The following FBLN5 variants were observed in gnomAD, a reference collection of about 807,000 sequenced individuals.
FBLN5 encodes the protein fibulin-5.
FBLN5 carries 24 observed loss-of-function variants against 61.6 expected under a neutral mutation model. The ratio of observed to expected loss-of-function variants is 0.39; its 90% confidence interval spans 0.28 to 0.55. The LOEUF is 0.55. Among genes scored for constraint, FBLN5 ranks in the 20% least tolerant of loss-of-function variants. The pLI is 0.65. For missense variants in FBLN5, 470 were observed against 594.1 expected (o/e 0.79, Z 2.17); for synonymous variants, 213 against 219.8 (o/e 0.97, Z 0.27).
At chr14:91,940,462 C>T in intron 3 of FBLN5, 103 bp downstream of exon 3, 3 of 968,766 alleles carry the variant, frequency 3.1e-6, no homozygotes, top group Admixed American at 1.8e-5. Flanking sequence ...ACTGTATTCT[C>T]CCATGGGCAT....
chr14:91,927,390 G>A (rs2140033289), intron 4 of FBLN5, among the ~76,000 whole-genome samples: 1 of 152,328 alleles, frequency 6.6e-6, no homozygotes, highest in South Asian at 2.1e-4. Flanking sequence ...ACAGATAAGA[G>A]CCGCGGAGAA....
chr14:91,910,644 C>T (rs2140006415), intron 4 of FBLN5, among the ~76,000 whole-genome samples: 1 of 152,144 alleles, frequency 6.6e-6, no homozygotes, highest in East Asian at 1.9e-4. Context: ...AAAACAAAAC[C>T]CCATAAAGAA....
intron 4 of FBLN5, among the ~76,000 whole-genome samples, chr14:91,922,528 G>A (rs2055757874): frequency 1.3e-5 from 2 of 152,130 alleles, no homozygotes; most frequent in Non-Finnish European, 2.9e-5. Context: ...TCCATGGGGA[G>A]AAGTGGAGAC....
intron 4 of FBLN5, among the ~76,000 whole-genome samples, chr14:91,910,324 C>G (rs1890865597): frequency 6.6e-6 from 1 of 152,038 alleles, no homozygotes; most frequent in Non-Finnish European, 1.5e-5. Flanking sequence ...TTAAAGAGGT[C>G]AAATTCATAG....
At chr14:91,897,661 C>T (rs1019838939) in intron 4 of FBLN5, among the ~76,000 whole-genome samples, 2 of 152,242 alleles carry the variant, frequency 1.3e-5, no homozygotes, top group African/African-American at 4.8e-5. Flanking sequence ...GCACAAAGGG[C>T]CCCATCGTGG....
chr14:91,872,319 C>T (rs966004962), intron 10 of FBLN5, among the ~76,000 whole-genome samples: 1 of 152,166 alleles, frequency 6.6e-6, no homozygotes, highest in Admixed American at 6.5e-5. Flanking sequence ...CTAGCACCCA[C>T]CTAATGAGAG....
chr14:91,919,128 C>A (rs141633530), intron 4 of FBLN5, among the ~76,000 whole-genome samples: 1 of 151,876 alleles, frequency 6.6e-6, no homozygotes, highest in Non-Finnish European at 1.5e-5. Flanking sequence ...CCCAGGAGTT[C>A]GAGGTCAGCC....
intron 10 of FBLN5, chr14:91,874,935 T>A (rs1301102460): frequency 6.6e-6 from 1 of 152,248 alleles, no homozygotes; most frequent in Non-Finnish European, 1.5e-5. Context: ...TCAAGTTATC[T>A]TCTCATCTCA....
chr14:91,869,637 G>A lies in FBLN5; in HGVS notation c.*587C>T, dbSNP rs886870815. On this transcript the variant is annotated 3_prime_UTR_variant, in exon 11 of 11. Coordinates refer to ENST00000342058, the MANE Select transcript of FBLN5 (RefSeq NM_006329.4). ...AAAATGAACAAGACAGAATTAAACC[G>A]TTATACAAATTTAAGGACAACTGAA... 7.6e-5 allele frequency: 12 copies of A among 158,934 alleles called. No homozygotes were observed. Among genetic ancestry groups the A allele is most frequent in the African/African-American group, 2.2e-4 (9 of 41,468 alleles). The allele number at this position is 158,934 out of a possible 1,614,324, so 9.8% of individuals were successfully genotyped here.
intron 4 of FBLN5, among the ~76,000 whole-genome samples, chr14:91,906,708 A>C (rs1020290934): frequency 6.6e-6 from 1 of 152,234 alleles, no homozygotes; most frequent in Non-Finnish European, 1.5e-5. Flanking sequence ...TGAGGAAGGC[A>C]GGGAGGCGAG....
chr14:91,902,385 T>C (rs1890497408), intron 4 of FBLN5, among the ~76,000 whole-genome samples: 1 of 152,092 alleles, frequency 6.6e-6, no homozygotes. Context: ...TACTAAAATT[T>C]TTGCCATTTG....
intron 4 of FBLN5, among the ~76,000 whole-genome samples, chr14:91,924,352 C>G (rs2055789896): frequency 6.6e-6 from 1 of 152,206 alleles, no homozygotes; most frequent in African/African-American, 2.4e-5. Flanking sequence ...ACTCATGTAG[C>G]TTTTCTGCTT....
In FBLN5 at chr14:91,947,546, T is replaced by C; in HGVS notation, c.-317A>G. On this transcript the variant is annotated 5_prime_UTR_variant, in exon 1 of 11. Coordinates refer to ENST00000342058, the MANE Select transcript of FBLN5 (RefSeq NM_006329.4). The surrounding 1 kb of genome is among the most constrained non-coding windows in gnomAD (Gnocchi z 4.3). Reference sequence around the variant, plus strand: ...TTAAACAATGCAAATGGGGCCTCAGTCTGGACACAGCTGGTTCAGATTACA... The same window carrying C: ...TTAAACAATGCAAATGGGGCCTCAGCCTGGACACAGCTGGTTCAGATTACA... 2 of 488,344 alleles carry C rather than the reference T, an allele frequency of 4.1e-6. No individual in the cohort carries two copies. The highest frequency in any genetic ancestry group is 7.5e-6 in the Non-Finnish European group (2 of 268,070). 30.3% of individuals were successfully genotyped at this position (488,344 alleles called of 1,614,324 possible).
rs112013654 is a variant in FBLN5, at chr14:91,881,280, G to T, written c.989+12C>A. 3 of 1,613,662 alleles carry T rather than the reference G, an allele frequency of 1.9e-6. No homozygotes were observed. The highest frequency in any genetic ancestry group is 1.1e-5 in the South Asian group (1 of 91,074). ...TCAGGTTTCTATTCCCCAGGGGGAC[G>T]CCGTGACTTACTTATCACTGATCCT... On this transcript the variant is annotated intron_variant, in intron 9 of 10. Transcript: ENST00000342058.
chr14:91,924,659 G>GA, intron 4 of FBLN5, among the ~76,000 whole-genome samples: 1 of 150,330 alleles, frequency 6.7e-6, no homozygotes, highest in Non-Finnish European at 1.5e-5. Flanking sequence ...AAGAGAAAAA[G>GA]AAAAAGAAAA....
intron 10 of FBLN5, among the ~76,000 whole-genome samples, chr14:91,877,121 G>T (rs536261208): frequency 8.5e-5 from 13 of 152,114 alleles, no homozygotes; most frequent in African/African-American, 2.7e-4. Flanking sequence ...GGGATTACAG[G>T]CATCAGCCCC....
chr14:91,880,987 C>T (rs1889414057), intron 9 of FBLN5, among the ~76,000 whole-genome samples: 1 of 152,200 alleles, frequency 6.6e-6, no homozygotes, highest in African/African-American at 2.4e-5. Flanking sequence ...CAGTAACACA[C>T]TTTGCACTGC....
chr14:91,939,298 T>G (rs74071636), intron 3 of FBLN5, among the ~76,000 whole-genome samples: 1,992 of 151,948 alleles, frequency 0.013, 31 homozygotes, highest in African/African-American at 0.038. Flanking sequence ...TAGGATCCTA[T>G]TCATCTTTCA....
In FBLN5 at chr14:91,875,790, G is replaced by C. The variant is rs559829032; in HGVS notation, c.1185+1697C>G. 1.1e-4 allele frequency among the ~76,000 whole-genome samples: 16 copies of C among 152,352 alleles called. No individual in the cohort carries two copies. The South Asian group carries it at 3.1e-3, about 30-fold the overall frequency. On this transcript the variant is annotated intron_variant, in intron 10 of 10. Coordinates refer to ENST00000342058, the MANE Select transcript of FBLN5 (RefSeq NM_006329.4). ...CCTGCTCTGAACTAGGAGACAGGGAGAAACTTCACAGTGGGTAAGAGACAG... is the reference window on the plus strand; with the variant it reads ...CCTGCTCTGAACTAGGAGACAGGGACAAACTTCACAGTGGGTAAGAGACAG...
Sources: allele counts gnomAD v4.1 joint callset (sites outside exome capture counted in the v4.1 genomes callset), GRCh38; gene constraint gnomAD v4.1.1; non-coding constraint Gnocchi (gnomAD v3.1); transcripts MANE v1.5; gene names NCBI Gene and HGNC (gene_info 2026-07-23, HGNC 2026-07-21).